NFIB: variants seen among roughly 807,000 people sequenced by gnomAD.
NFIB encodes the protein nuclear factor I B.
Under a neutral mutation model 61.5 loss-of-function variants are expected in NFIB, and 11 were observed. The observed-to-expected ratio is 0.18, with a 90% confidence interval of 0.11 to 0.30. NFIB has a LOEUF of 0.30. Ranked by LOEUF, NFIB falls within the 10% of genes least tolerant of loss-of-function variation. The pLI, the probability that NFIB is intolerant of heterozygous loss-of-function variation, is 1.00. For synonymous variants in NFIB, 260 were observed against 216.5 expected, an observed-to-expected ratio of 1.20 and a Z score of -1.76; for missense variants, 471 against 608.9, an observed-to-expected ratio of 0.77 and a Z score of 2.38.
intron 2 of NFIB, among the ~76,000 whole-genome samples, chr9:14,222,610 C>T (rs888581170): frequency 2.0e-5 from 3 of 151,868 alleles, no homozygotes; most frequent in Admixed American, 2.0e-4. Flanking sequence ...CGAGACCAGC[C>T]TGGGCAACAA....
intron 5 of NFIB, among the ~76,000 whole-genome samples, chr9:14,147,512 A>C (rs527774287): frequency 6.6e-6 from 1 of 151,854 alleles, no homozygotes; most frequent in East Asian, 1.9e-4. Flanking sequence ...TATTTTACTG[A>C]TTATAAACTA....
At chr9:14,146,881 A>G in intron 5 of NFIB, 74 bp from the exon 6 acceptor site, 1 of 1,562,772 alleles carries the variant, frequency 6.4e-7, no homozygotes, top group Non-Finnish European at 8.6e-7. Flanking sequence ...AAATGATCTG[A>G]GAAGATCCTT....
chr9:14,263,627 G>A (rs1303029831), intron 2 of NFIB, among the ~76,000 whole-genome samples: 1 of 152,160 alleles, frequency 6.6e-6, no homozygotes, highest in Non-Finnish European at 1.5e-5. Flanking sequence ...ACACAGGTTT[G>A]CCATCTAGAT....
chr9:14,179,267 T>C (rs1336076211), intron 3 of NFIB, among the ~76,000 whole-genome samples: 1 of 152,080 alleles, frequency 6.6e-6, no homozygotes, highest in Admixed American at 6.6e-5. Context: ...AAAAACTTTA[T>C]GGAATAAAAA....
intron 3 of NFIB, among the ~76,000 whole-genome samples, chr9:14,158,225 T>C (rs2043688774): frequency 6.6e-6 from 1 of 152,188 alleles, no homozygotes; most frequent in Non-Finnish European, 1.5e-5. Context: ...CCAATTGTAC[T>C]TTGTAAATGC....
At chr9:14,457,343 G>A in the NFIB span, among the ~76,000 whole-genome samples, 7 of 152,026 alleles carry the variant, frequency 4.6e-5, no homozygotes, top group Non-Finnish European at 1.0e-4. Context: ...AGTTTAGTTT[G>A]AACGAGTTGA....
chr9:14,503,090 A>G, the NFIB span, among the ~76,000 whole-genome samples: 1 of 54,966 alleles, frequency 1.8e-5, no homozygotes, highest in Non-Finnish European at 3.4e-5. Context: ...ATTTTATGGT[A>G]TATATATATA....
At chr9:14,433,397 A>C in the NFIB span, among the ~76,000 whole-genome samples, 1 of 152,204 alleles carries the variant, frequency 6.6e-6, no homozygotes, top group South Asian at 2.1e-4. Flanking sequence ...CTGGCTTCTT[A>C]CATTATCCAA....
chr9:14,280,031 G>C (rs1263309083), intron 2 of NFIB, among the ~76,000 whole-genome samples: 1 of 152,124 alleles, frequency 6.6e-6, no homozygotes, highest in Non-Finnish European at 1.5e-5. Context: ...ACTTCAAAAT[G>C]ACACACTTTG....
At chr9:14,375,377 G>A (rs1428639736) in intron 1 of NFIB, among the ~76,000 whole-genome samples, 2 of 152,208 alleles carry the variant, frequency 1.3e-5, no homozygotes. Flanking sequence ...TGGGGACAGG[G>A]CCAGGTGCAG....
intron 1 of NFIB, among the ~76,000 whole-genome samples, chr9:14,335,583 T>C (rs1272811760): frequency 6.6e-6 from 1 of 152,234 alleles, no homozygotes; most frequent in African/African-American, 2.4e-5. Context: ...ATACTGTGAA[T>C]ACAAAGCCTT....
chr9:14,395,121 T>C (rs1465241625), intron 1 of NFIB, among the ~76,000 whole-genome samples: 1 of 152,028 alleles, frequency 6.6e-6, no homozygotes, highest in Non-Finnish European at 1.5e-5. Flanking sequence ...CTCAGAACCC[T>C]GGGTGCCAAG....
intron 10 of NFIB, among the ~76,000 whole-genome samples, chr9:14,108,874 A>C (rs1293414185): frequency 1.3e-5 from 2 of 152,118 alleles, no homozygotes; most frequent in African/African-American, 4.8e-5. Flanking sequence ...ATGTACTTCA[A>C]TGGCTTGTTT....
the NFIB span, among the ~76,000 whole-genome samples, chr9:14,510,164 G>T: frequency 2.0e-5 from 3 of 152,196 alleles, no homozygotes; most frequent in Non-Finnish European, 4.4e-5. Flanking sequence ...CCAAAGAACT[G>T]GGATTACAGG....
chr9:14,315,100 G>C (rs1425563705), upstream of NFIB, among the ~76,000 whole-genome samples: 1 of 152,040 alleles, frequency 6.6e-6, no homozygotes, highest in Non-Finnish European at 1.5e-5. Context: ...AGCAGGCGGG[G>C]ACCTGAGCGA....
intron 2 of NFIB, among the ~76,000 whole-genome samples, chr9:14,247,921 T>A (rs918224389): frequency 4.6e-4 from 67 of 146,172 alleles, no homozygotes; most frequent in Non-Finnish European, 7.6e-5. Context: ...TATCTACTAA[T>A]TTTTTCTTTT....
intron 10 of NFIB, among the ~76,000 whole-genome samples, chr9:14,098,943 A>C (rs2035303508): frequency 6.6e-6 from 1 of 152,220 alleles, no homozygotes; most frequent in Admixed American, 6.5e-5. Flanking sequence ...GGAATGCTTA[A>C]GCCTTGGGGT....
At chr9:14,243,192 T>C (rs748101535) in intron 2 of NFIB, among the ~76,000 whole-genome samples, 1 of 152,166 alleles carries the variant, frequency 6.6e-6, no homozygotes, top group Non-Finnish European at 1.5e-5. Flanking sequence ...AAAGACAGAA[T>C]ATATGAAAAC....
intron 3 of NFIB, among the ~76,000 whole-genome samples, chr9:14,161,779 T>C (rs2044232359): frequency 6.6e-6 from 1 of 152,260 alleles, no homozygotes; most frequent in African/African-American, 2.4e-5. Flanking sequence ...CATGATTTCC[T>C]TAGGCTGGAG....
Sources: allele counts gnomAD v4.1 joint callset (sites outside exome capture counted in the v4.1 genomes callset), GRCh38; gene constraint gnomAD v4.1.1; transcripts MANE v1.5; gene names NCBI Gene and HGNC (gene_info 2026-07-23, HGNC 2026-07-21).